JAKMIP1: variants seen among roughly 807,000 people sequenced by gnomAD.
JAKMIP1 encodes the protein janus kinase and microtubule-interacting protein 1.
In JAKMIP1, 33 loss-of-function variants were observed where a neutral mutation model predicts 113.0. The observed-to-expected ratio is 0.29, with a 90% CI of 0.22 to 0.39. The LOEUF (loss-of-function observed/expected upper bound fraction) is 0.39, where lower values mean the gene tolerates loss of function less well. Among genes scored for constraint, JAKMIP1 ranks in the 10% least tolerant of loss-of-function variants. JAKMIP1 has a pLI of 1.00. For missense variants in JAKMIP1, 813 were observed against 1,080.5 expected (o/e 0.75, Z 3.47); for synonymous variants, 480 against 459.9 (o/e 1.04, Z -0.56).
chr4:6,125,499 C>G (rs111246540), intron 1 of JAKMIP1, among the ~76,000 whole-genome samples: 1 of 151,868 alleles, frequency 6.6e-6, no homozygotes, highest in East Asian at 1.9e-4. Flanking sequence ...CCTGAGAGTC[C>G]GTTATGTGTC....
rs1003874573 is a variant in JAKMIP1 at position 6,192,499 on chromosome 4, T to G, written c.-148+7754A>C. ...GACGCCACTGAGCCTGTTTTGGTTT[T>G]GGTCTACATCCAAAACCAACCCCAA... On this transcript the variant is annotated intron_variant, in intron 1 of 20. Transcript: ENST00000409021. The surrounding 1 kb of genome is among the most constrained non-coding windows in gnomAD (Gnocchi z 5.0). Among the ~76,000 whole-genome samples the G allele has an allele frequency of 6.6e-6, 1 of 152,196 alleles. No homozygotes were observed. The highest frequency in any genetic ancestry group is 2.4e-5 in the African/African-American group (1 of 41,454).
chr4:6,179,145 C>T lies in JAKMIP1; in HGVS notation c.-148+21108G>A, dbSNP rs1262664994. Among the ~76,000 whole-genome samples the T allele has an allele frequency of 6.6e-6, 1 of 152,258 alleles. No individual in the cohort carries two copies. Among genetic ancestry groups the T allele is most frequent in the Admixed American group, 6.5e-5 (1 of 15,298 alleles). ...TTTCATGAAATGGTCTTAGAAGGACCCACAGGCACACCTAGGTCTCCCATG... is the reference window on the plus strand; with the variant it reads ...TTTCATGAAATGGTCTTAGAAGGACTCACAGGCACACCTAGGTCTCCCATG... On this transcript the variant is annotated intron_variant, in intron 1 of 20. Coordinates refer to ENST00000409021, the MANE Select transcript of JAKMIP1 (RefSeq NM_001099433.2). The surrounding 1 kb of genome is among the most constrained non-coding windows in gnomAD (Gnocchi z 4.5).
chr4:6,066,391 G>T (rs939619380), intron 8 of JAKMIP1, among the ~76,000 whole-genome samples: 1 of 152,124 alleles, frequency 6.6e-6, no homozygotes, highest in Non-Finnish European at 1.5e-5. Context: ...CACCCAGAAC[G>T]TTCTTGCATT....
intron 11 of JAKMIP1, among the ~76,000 whole-genome samples, chr4:6,058,842 A>G (rs764817209): frequency 2.0e-5 from 3 of 152,234 alleles, no homozygotes; most frequent in Non-Finnish European, 4.4e-5. Flanking sequence ...ATAGACTGTG[A>G]TCAGGCAAGT....
At chr4:6,035,810 C>G (rs781425107) in intron 19 of JAKMIP1, 94 bp downstream of exon 19, 7 of 1,083,630 alleles carry the variant, frequency 6.5e-6, no homozygotes, top group African/African-American at 1.6e-5. Context: ...CTGGAATGAG[C>G]CTGGGGCACT....
intron 20 of JAKMIP1, among the ~76,000 whole-genome samples, chr4:6,028,659 G>A (rs560030445): frequency 4.2e-4 from 64 of 152,232 alleles, no homozygotes; most frequent in Non-Finnish European, 7.5e-4. Flanking sequence ...CACAAGACCG[G>A]CCTCAGACAC....
At chr4:6,189,068 C>T (rs919007628) in intron 1 of JAKMIP1, among the ~76,000 whole-genome samples, 1 of 152,216 alleles carries the variant, frequency 6.6e-6, no homozygotes, top group Non-Finnish European at 1.5e-5. Context: ...ACAAAGCAGT[C>T]CTGCCAACAT....
chr4:6,029,616 G>A (rs1578026298), intron 20 of JAKMIP1, 100 bp downstream of exon 20: 3 of 782,004 alleles, frequency 3.8e-6, no homozygotes, highest in Non-Finnish European at 6.6e-6. Flanking sequence ...AAGGAGGGCT[G>A]GAGACAGAGT....
Position 6,040,836 on chromosome 4 carries a change from G to C in JAKMIP1, c.2098-120C>G. 1.3e-6 allele frequency: 1 copy of C among 747,818 alleles called. No individual in the cohort carries two copies. The highest frequency in any genetic ancestry group is 2.3e-6 in the Non-Finnish European group (1 of 431,588). 46.3% of individuals were successfully genotyped at this position (747,818 alleles called of 1,614,324 possible). On this transcript the variant is annotated intron_variant, in intron 17 of 20. Coordinates refer to ENST00000409021, the MANE Select transcript of JAKMIP1 (RefSeq NM_001099433.2). This position sits in a 1 kb window ranked among gnomAD's most constrained non-coding sequence, Gnocchi z 5.8. The stretch of plus-strand genomic sequence containing the variant: ...AATTGGGGGCACTCAGATGAGAAGG[G>C]ACTTGGTGGTCTTCCCCGTTTGCCC...
At chr4:6,166,913 C>A (rs1723707996) in intron 1 of JAKMIP1, among the ~76,000 whole-genome samples, 1 of 152,144 alleles carries the variant, frequency 6.6e-6, no homozygotes, top group Non-Finnish European at 1.5e-5. Context: ...ACCTCTTCAC[C>A]CCCAACTTCC....
At position 6,044,135 on chromosome 4, in the gene JAKMIP1, A is replaced by G. The variant is rs1458518028; in HGVS notation, c.2029-1908T>C. On this transcript the variant is annotated intron_variant, in intron 16 of 20. Transcript: ENST00000409021. This position sits in a 1 kb window ranked among gnomAD's most constrained non-coding sequence, Gnocchi z 4.4. ...GAGTCCGTGGGGTCAGCTAACCTCC[A>G]TGGTGCCCATGTCAGTCATCTTGTG... Among the ~76,000 whole-genome samples, 2 of 151,710 alleles carry G rather than the reference A, an allele frequency of 1.3e-5. No homozygotes were observed. The highest frequency in any genetic ancestry group is 1.9e-4 in the East Asian group (1 of 5,150).
At position 6,029,707 on chromosome 4, in the gene JAKMIP1, G is replaced by A. The variant is rs1712341357; in HGVS notation, c.2445+9C>T. The A allele has an allele frequency of 1.3e-6, 2 of 1,584,984 alleles. No individual in the cohort carries two copies. Among genetic ancestry groups the A allele is most frequent in the East Asian group, 4.5e-5 (2 of 44,460 alleles). On this transcript the variant is annotated intron_variant, in intron 20 of 20. Transcript: ENST00000409021. ...AAACCTGGGGACAGTCTGAGCTGCA[G>A]TCACCTACCTTTTCCTCCAGTTCTT...
chr4:6,174,500 G>A (rs2109028538), intron 1 of JAKMIP1, among the ~76,000 whole-genome samples: 1 of 152,272 alleles, frequency 6.6e-6, no homozygotes, highest in African/African-American at 2.4e-5. Flanking sequence ...CAGGCCCGAT[G>A]GTTCCCTCTT....
chr4:6,120,954 C>T (rs943843195), intron 1 of JAKMIP1, among the ~76,000 whole-genome samples: 2 of 152,154 alleles, frequency 1.3e-5, no homozygotes, highest in Non-Finnish European at 2.9e-5. Context: ...AATCCCAGCA[C>T]TTTGGGAGGC....
chr4:6,132,635 T>C (rs1718656961), intron 1 of JAKMIP1, among the ~76,000 whole-genome samples: 1 of 117,156 alleles, frequency 8.5e-6, no homozygotes, highest in African/African-American at 3.4e-5. Flanking sequence ...GAGCCAGACA[T>C]TGCCTCAAAA....
Position 6,050,441 on chromosome 4 carries a change from G to A in JAKMIP1, c.1908+137C>T. 1.5e-6 allele frequency: 1 copy of A among 649,346 alleles called. No homozygotes were observed. Among genetic ancestry groups the A allele is most frequent in the Non-Finnish European group, 2.7e-6 (1 of 369,854 alleles). The allele number at this position is 649,346 out of a possible 1,614,324, so 40.2% of individuals were successfully genotyped here. On this transcript the variant is annotated intron_variant, in intron 14 of 20. Coordinates refer to ENST00000409021, the MANE Select transcript of JAKMIP1 (RefSeq NM_001099433.2). This position sits in a 1 kb window ranked among gnomAD's most constrained non-coding sequence, Gnocchi z 7.4. ...CACATTTGGTGACCCTTTAATAAAT[G>A]GACAAACTGTGACTTTCAACACAAG...
intron 12 of JAKMIP1, among the ~76,000 whole-genome samples, chr4:6,056,173 T>C (rs1716416197): frequency 6.9e-6 from 1 of 144,482 alleles, no homozygotes; most frequent in Non-Finnish European, 1.5e-5. Flanking sequence ...CTGCAGGGTG[T>C]CTGCAGAGGT....
chr4:6,090,778 C>T (rs1164441520), intron 3 of JAKMIP1, among the ~76,000 whole-genome samples: 1 of 151,862 alleles, frequency 6.6e-6, no homozygotes, highest in Non-Finnish European at 1.5e-5. Context: ...TTGACCATAA[C>T]CACCTTAAAC....
At chr4:6,062,925 C>G (rs1473525904) in intron 9 of JAKMIP1, among the ~76,000 whole-genome samples, 2 of 152,192 alleles carry the variant, frequency 1.3e-5, no homozygotes, top group Admixed American at 6.5e-5. Flanking sequence ...GGCAGATCAC[C>G]TGAGGTCAGG....
Sources: gnomAD v4.1 joint callset for allele counts (sites outside exome capture counted in the v4.1 genomes callset) on GRCh38, gnomAD v4.1.1 for gene constraint, Gnocchi (gnomAD v3.1) non-coding constraint, MANE v1.5 for transcripts, NCBI Gene and HGNC (gene_info 2026-07-23, HGNC 2026-07-21) for gene names.